The following ST3GAL3 variants were observed in gnomAD, a reference collection of about 807,000 sequenced individuals.
ST3GAL3 encodes ST3 beta-galactoside alpha-2,3-sialyltransferase 3, also known as CMP-N-acetylneuraminate-beta-1,4-galactoside alpha-2,3-sialyltransferase.
In ST3GAL3, 21 loss-of-function variants were observed where a neutral mutation model predicts 50.1. That is an observed-to-expected ratio of 0.42 (90% CI 0.30 to 0.60). The LOEUF (loss-of-function observed/expected upper bound fraction) is 0.60. ST3GAL3 is among the 20% of genes least tolerant of loss of function. ST3GAL3 has a pLI of 0.19. For missense variants in ST3GAL3, 353 were observed against 489.4 expected, an observed-to-expected ratio of 0.72 and a Z score of 2.63; for synonymous variants, 183 against 190.0, an observed-to-expected ratio of 0.96 and a Z score of 0.30.
intron 5 of ST3GAL3, among the ~76,000 whole-genome samples, chr1:43,844,752 G>T (rs559121524): frequency 2.0e-5 from 3 of 151,968 alleles, no homozygotes; most frequent in Non-Finnish European, 4.4e-5. Flanking sequence ...GCGTGAACCC[G>T]GGAGGCAGAG....
At chr1:43,828,158 G>T (rs905068084) in intron 4 of ST3GAL3, among the ~76,000 whole-genome samples, 3 of 152,164 alleles carry the variant, frequency 2.0e-5, no homozygotes, top group South Asian at 2.1e-4. Context: ...ATGGAAAAAG[G>T]ATAATTTTTT....
intron 2 of ST3GAL3, among the ~76,000 whole-genome samples, chr1:43,777,174 A>C (rs1341039493): frequency 2.6e-5 from 4 of 152,174 alleles, no homozygotes; most frequent in Non-Finnish European, 4.4e-5. Flanking sequence ...ACTTAATTAC[A>C]CATCTCTAAG....
intron 1 of ST3GAL3, among the ~76,000 whole-genome samples, chr1:43,731,640 G>A (rs1349929335): frequency 1.4e-5 from 2 of 140,342 alleles, no homozygotes; most frequent in African/African-American, 2.7e-5. Context: ...CTCGTGATCC[G>A]CCCACCTCGG....
intron 11 of ST3GAL3, among the ~76,000 whole-genome samples, chr1:43,929,807 CAAG>C (rs1329890087): frequency 6.6e-6 from 1 of 152,170 alleles, no homozygotes; most frequent in East Asian, 1.9e-4. Flanking sequence ...TGCTTCATGA[CAAG>C]AAGTGGCTTG....
At chr1:43,803,562 G>A (rs1558368947) in intron 3 of ST3GAL3, among the ~76,000 whole-genome samples, 1 of 152,074 alleles carries the variant, frequency 6.6e-6, no homozygotes, top group Non-Finnish European at 1.5e-5. Context: ...TGTTAATTTT[G>A]CTTTATATGT....
intron 2 of ST3GAL3, among the ~76,000 whole-genome samples, chr1:43,760,013 C>T (rs938960102): frequency 6.6e-6 from 1 of 152,136 alleles, no homozygotes; most frequent in African/African-American, 2.4e-5. Flanking sequence ...CACACTGAAG[C>T]TTTATTGTTG....
At chr1:43,862,151 C>G (rs1348385774) in intron 5 of ST3GAL3, among the ~76,000 whole-genome samples, 2 of 152,226 alleles carry the variant, frequency 1.3e-5, no homozygotes, top group Non-Finnish European at 2.9e-5. Flanking sequence ...CCTCTCCCCT[C>G]CAAAGGGGCC....
intron 2 of ST3GAL3, among the ~76,000 whole-genome samples, chr1:43,775,264 G>A (rs1303575530): frequency 4.0e-5 from 6 of 148,848 alleles, no homozygotes; most frequent in African/African-American, 7.5e-5. Flanking sequence ...ACTGAGTCGC[G>A]CTCTTGTCAC....
chr1:43,742,193 A>G (rs1231493318), intron 2 of ST3GAL3, among the ~76,000 whole-genome samples: 1 of 152,166 alleles, frequency 6.6e-6, no homozygotes, highest in Non-Finnish European at 1.5e-5. Context: ...GTCCAGCCCT[A>G]CCAGTAGAAA....
intron 1 of ST3GAL3, 122 bp from the exon 2 acceptor site, chr1:43,736,111 T>C (rs1358461758): frequency 1.1e-6 from 1 of 927,964 alleles, no homozygotes; most frequent in South Asian, 1.4e-5. Flanking sequence ...GATGCCATGA[T>C]ATGAAAGTGA....
At chr1:43,837,844 A>G (rs2064637605) in intron 4 of ST3GAL3, among the ~76,000 whole-genome samples, 1 of 152,214 alleles carries the variant, frequency 6.6e-6, no homozygotes. Flanking sequence ...AGTTCCTTTT[A>G]CAGATACCAT....
intron 2 of ST3GAL3, among the ~76,000 whole-genome samples, chr1:43,767,943 A>G (rs1025348840): frequency 2.6e-5 from 4 of 152,132 alleles, no homozygotes; most frequent in African/African-American, 9.6e-5. Flanking sequence ...CCGAAGGTTG[A>G]AAAAAATTAG....
At chr1:43,885,461 G>A (rs909251945) in intron 5 of ST3GAL3, among the ~76,000 whole-genome samples, 28 of 152,104 alleles carry the variant, frequency 1.8e-4, no homozygotes, top group African/African-American at 6.0e-4. Context: ...CGGGGCTGGC[G>A]GGCTGGGGCC....
At chr1:43,812,744 T>C (rs1485812511) in intron 3 of ST3GAL3, among the ~76,000 whole-genome samples, 1 of 152,168 alleles carries the variant, frequency 6.6e-6, no homozygotes, top group Admixed American at 6.5e-5. Context: ...GGATTACAGG[T>C]GTGAGGCACT....
intron 9 of ST3GAL3, among the ~76,000 whole-genome samples, chr1:43,908,629 CTT>C (rs540408145): frequency 1.8e-4 from 26 of 140,578 alleles, no homozygotes; most frequent in Admixed American, 2.2e-4. Context: ...CCTTGCCACT[CTT>C]TTTTTTTTTT....
chr1:43,713,818 G>A (rs1665973558), intron 1 of ST3GAL3, among the ~76,000 whole-genome samples: 1 of 152,124 alleles, frequency 6.6e-6, no homozygotes, highest in Non-Finnish European at 1.5e-5. Flanking sequence ...TTACACGCGT[G>A]AGCCACTACG....
chr1:43,763,121 G>A (rs1402638805), intron 2 of ST3GAL3, among the ~76,000 whole-genome samples: 4 of 152,118 alleles, frequency 2.6e-5, no homozygotes, highest in African/African-American at 9.7e-5. Flanking sequence ...GTTTTTAATA[G>A]CAAAAATTTG....
At chr1:43,728,101 C>T (rs1673835805) in intron 1 of ST3GAL3, among the ~76,000 whole-genome samples, 1 of 152,134 alleles carries the variant, frequency 6.6e-6, no homozygotes, top group African/African-American at 2.4e-5. Context: ...TTAGCTGCCA[C>T]TTACAAGTAA....
intron 5 of ST3GAL3, among the ~76,000 whole-genome samples, chr1:43,849,994 G>T (rs1429109496): frequency 6.6e-6 from 1 of 152,042 alleles, no homozygotes; most frequent in Non-Finnish European, 1.5e-5. Flanking sequence ...CTACCCCATG[G>T]TCTAAATGAT....
Sources: allele counts gnomAD v4.1 joint callset (sites outside exome capture counted in the v4.1 genomes callset), GRCh38; gene constraint gnomAD v4.1.1; transcripts MANE v1.5; gene names NCBI Gene and HGNC (gene_info 2026-07-23, HGNC 2026-07-21).